Variants in ZFHX3 observed in about 807,000 individuals in gnomAD.
ZFHX3 encodes the protein zinc finger homeobox 3, also known as zinc finger homeobox protein 3.
A neutral mutation model predicts 279.1 loss-of-function variants in ZFHX3; 42 were observed. The ratio of observed to expected loss-of-function variants is 0.15; its 90% CI spans 0.12 to 0.19. ZFHX3 has a LOEUF of 0.19. ZFHX3 is among the 10% of genes least tolerant of loss of function. ZFHX3 has a pLI of 1.00. For missense variants in ZFHX3, 4,981 were observed against 4,754.0 expected, an observed-to-expected ratio of 1.05 and a Z score of -1.40; for synonymous variants, 2,293 against 1,957.8, an observed-to-expected ratio of 1.17 and a Z score of -4.52.
chr16:73,114,238 G>A (rs1457637683), intron 7 of ZFHX3, among the ~76,000 whole-genome samples: 1 of 152,040 alleles, frequency 6.6e-6, no homozygotes, highest in Non-Finnish European at 1.5e-5. Context: ...ACTTTCAAGG[G>A]AATGGATTTT....
chr16:73,266,829 C>T (rs960006059), intron 4 of ZFHX3, among the ~76,000 whole-genome samples: 4 of 152,202 alleles, frequency 2.6e-5, no homozygotes, highest in Non-Finnish European at 4.4e-5. Context: ...ATAGGGCTTT[C>T]GCCTTCCGCC....
At chr16:73,594,187 G>C (rs571536371) in intron 2 of ZFHX3, among the ~76,000 whole-genome samples, 1 of 152,068 alleles carries the variant, frequency 6.6e-6, no homozygotes, top group South Asian at 2.1e-4. Flanking sequence ...TAAATCAATG[G>C]ACAATAAACA....
intron 4 of ZFHX3, among the ~76,000 whole-genome samples, chr16:72,839,237 A>G (rs2037282355): frequency 6.6e-6 from 1 of 151,088 alleles, no homozygotes; most frequent in African/African-American, 2.4e-5. Flanking sequence ...GAAAAATTAC[A>G]CTTCAATGTC....
intron 2 of ZFHX3, among the ~76,000 whole-genome samples, chr16:73,489,949 AC>A (rs1027388407): frequency 2.6e-5 from 4 of 152,214 alleles, no homozygotes; most frequent in Non-Finnish European, 5.9e-5. Context: ...CAAAATGATA[AC>A]AGTGTCTCCA....
chr16:72,990,904 C>T (rs1342327964), intron 1 of ZFHX3, among the ~76,000 whole-genome samples: 1 of 151,920 alleles, frequency 6.6e-6, no homozygotes, highest in South Asian at 2.1e-4. Context: ...CGCTTAAACT[C>T]GGGAGGCGGA....
At chr16:73,028,980 G>A (rs187570345) in intron 1 of ZFHX3, among the ~76,000 whole-genome samples, 1 of 152,228 alleles carries the variant, frequency 6.6e-6, no homozygotes, top group African/African-American at 2.4e-5. Flanking sequence ...CAAACAAAGG[G>A]GAAAGTCAAT....
intron 1 of ZFHX3, among the ~76,000 whole-genome samples, chr16:73,759,382 A>G (rs777500586): frequency 6.6e-6 from 1 of 152,068 alleles, no homozygotes; most frequent in South Asian, 2.1e-4. Flanking sequence ...GAAGTTGCAC[A>G]TATCACTTCT....
chr16:73,208,874 C>A (rs1053612886), intron 5 of ZFHX3, among the ~76,000 whole-genome samples: 1 of 152,112 alleles, frequency 6.6e-6, no homozygotes, highest in Non-Finnish European at 1.5e-5. Flanking sequence ...ATCAGTACTG[C>A]CCCAAACAAC....
intron 3 of ZFHX3, among the ~76,000 whole-genome samples, chr16:73,413,001 G>A (rs771940550): frequency 4.6e-4 from 70 of 152,164 alleles, no homozygotes; most frequent in Non-Finnish European, 8.7e-4. Flanking sequence ...GCAAAGTACT[G>A]GGGGAAAAAT....
At chr16:73,849,681 A>G (rs867361910) in intron 1 of ZFHX3, among the ~76,000 whole-genome samples, 34 of 152,338 alleles carry the variant, frequency 2.2e-4, no homozygotes, top group East Asian at 5.8e-4. Context: ...GAATTTGTCA[A>G]CATCCTGGAT....
intron 3 of ZFHX3, among the ~76,000 whole-genome samples, chr16:73,370,276 C>G (rs897490064): frequency 4.6e-5 from 7 of 152,236 alleles, no homozygotes; most frequent in Non-Finnish European, 1.0e-4. Flanking sequence ...CTTCGGGAGT[C>G]AGAACGGCTA....
At chr16:72,946,405 C>T (rs1035784379) in intron 3 of ZFHX3, among the ~76,000 whole-genome samples, 2 of 152,198 alleles carry the variant, frequency 1.3e-5, no homozygotes, top group Admixed American at 1.3e-4. Context: ...GGAACCCCAG[C>T]TAGAAACCGT....
At chr16:73,497,745 G>T (rs146175881) in intron 2 of ZFHX3, among the ~76,000 whole-genome samples, 79 of 152,250 alleles carry the variant, frequency 5.2e-4, no homozygotes, top group Non-Finnish European at 8.7e-4. Context: ...GGGACCAAAG[G>T]TTGAAACGCT....
intron 5 of ZFHX3, among the ~76,000 whole-genome samples, chr16:73,210,900 A>T (rs2011991037): frequency 6.6e-6 from 1 of 152,184 alleles, no homozygotes; most frequent in African/African-American, 2.4e-5. Context: ...CACAGATAGC[A>T]AAACCATAGC....
intron 2 of ZFHX3, among the ~76,000 whole-genome samples, chr16:73,502,517 C>T (rs1251835757): frequency 6.6e-6 from 1 of 152,190 alleles, no homozygotes; most frequent in Non-Finnish European, 1.5e-5. Context: ...TCCTGTCCTG[C>T]ATGGTGTCTA....
intron 3 of ZFHX3, among the ~76,000 whole-genome samples, chr16:72,929,463 C>G (rs1379043493): frequency 6.6e-6 from 1 of 152,128 alleles, no homozygotes; most frequent in African/African-American, 2.4e-5. Context: ...ACCCCAAGCT[C>G]TAAGCCAAGT....
chr16:73,602,209 AT>A (rs2052125953), intron 2 of ZFHX3, among the ~76,000 whole-genome samples: 1 of 152,256 alleles, frequency 6.6e-6, no homozygotes, highest in Non-Finnish European at 1.5e-5. Context: ...CATGTGAAAC[AT>A]TTTAAAATCT....
chr16:73,526,220 C>G (rs1020149161), intron 2 of ZFHX3, among the ~76,000 whole-genome samples: 4 of 152,218 alleles, frequency 2.6e-5, no homozygotes, highest in African/African-American at 9.6e-5. Context: ...TTCCTCACTT[C>G]CGCCATCATG....
upstream of ZFHX3, among the ~76,000 whole-genome samples, chr16:73,062,472 T>C (rs1271284691): frequency 6.6e-6 from 1 of 152,160 alleles, no homozygotes; most frequent in Non-Finnish European, 1.5e-5. Context: ...TCTTTGCAAA[T>C]ATAACATAAA....
Sources: allele counts gnomAD v4.1 joint callset (sites outside exome capture counted in the v4.1 genomes callset), GRCh38; gene constraint gnomAD v4.1.1; transcripts MANE v1.5; gene names NCBI Gene and HGNC (gene_info 2026-07-23, HGNC 2026-07-21).